KCNQ2: variants seen among roughly 807,000 people sequenced by gnomAD.
KCNQ2 encodes the protein potassium voltage-gated channel subfamily Q member 2, also known as potassium voltage-gated channel subfamily KQT member 2.
KCNQ2 carries 14 observed loss-of-function variants against 84.8 expected under a neutral mutation model. That is an observed-to-expected ratio of 0.17 (90% CI 0.11 to 0.26). The LOEUF (loss-of-function observed/expected upper bound fraction) is 0.26. KCNQ2 is among the 10% of genes least tolerant of loss of function. The pLI is 1.00. For synonymous variants in KCNQ2, 599 were observed against 554.1 expected (o/e 1.08, Z -1.14); for missense variants, 788 against 1,254.0 (o/e 0.63, Z 5.61).
At chr20:63,465,998 C>G (rs1428125415) in intron 1 of KCNQ2, among the ~76,000 whole-genome samples, 1 of 152,194 alleles carries the variant, frequency 6.6e-6, no homozygotes, top group Non-Finnish European at 1.5e-5. Context: ...AAACTAGAAG[C>G]TTGCACTGCA....
rs188832275 is a variant in KCNQ2, at chr20:63,469,445, C to T, written c.296+2723G>A. Among the ~76,000 whole-genome samples, 103 of 152,364 alleles carry T rather than the reference C, an allele frequency of 6.8e-4. 1 individual carries two copies. Among genetic ancestry groups the T allele is most frequent in the Non-Finnish European group, 1.2e-3 (79 of 68,032 alleles). On this transcript the variant is annotated intron_variant, in intron 1 of 16. Coordinates refer to ENST00000359125, the MANE Select transcript of KCNQ2 (RefSeq NM_172107.4). Reference sequence around the variant, plus strand: ...AGTCCCTCTCTAACTCAGTGCTGGACGTCCCCACCTCCCCAGAGCGGGGGC... The same window carrying T: ...AGTCCCTCTCTAACTCAGTGCTGGATGTCCCCACCTCCCCAGAGCGGGGGC...
chr20:63,430,490 G>T lies in KCNQ2; in HGVS notation c.1148+850C>A, dbSNP rs993880931. ...CTCCAGGACGGGTGACTGGCCCCTG[G>T]AGGAGTCATCAAGGGCTTCTGTGCA... On this transcript the variant is annotated intron_variant, in intron 9 of 16. Transcript: ENST00000359125. Among the ~76,000 whole-genome samples, 7 of 152,316 alleles carry T rather than the reference G, an allele frequency of 4.6e-5. No individual in the cohort carries two copies. In the East Asian group the frequency reaches 1.3e-3, roughly 29 times the overall value.
chr20:63,442,593 A>G, intron 4 of KCNQ2, 62 bp from the exon 5 acceptor site: 1 of 1,559,010 alleles, frequency 6.4e-7, no homozygotes. Context: ...CATCACCACC[A>G]CCAACACCAC....
At chr20:63,449,545 G>A (rs1280869761) in intron 1 of KCNQ2, among the ~76,000 whole-genome samples, 1 of 152,230 alleles carries the variant, frequency 6.6e-6, no homozygotes, top group Non-Finnish European at 1.5e-5. Context: ...TGGAGGGTTT[G>A]GGGAGCAGAG....
chr20:63,413,101 A>G (rs2080171836), intron 15 of KCNQ2, among the ~76,000 whole-genome samples: 1 of 152,100 alleles, frequency 6.6e-6, no homozygotes, highest in South Asian at 2.1e-4. Context: ...TACATGGCAG[A>G]GCAGAGCCAC....
intron 14 of KCNQ2, among the ~76,000 whole-genome samples, chr20:63,413,848 T>C (rs2080201678): frequency 6.6e-6 from 1 of 152,120 alleles, no homozygotes. Flanking sequence ...CTAAGCCAGG[T>C]GGAGCCCGGC....
chr20:63,463,419 C>T (rs1037266852), intron 1 of KCNQ2, among the ~76,000 whole-genome samples: 7 of 152,132 alleles, frequency 4.6e-5, no homozygotes, highest in African/African-American at 1.4e-4. Context: ...GAAGCCCAGC[C>T]GGCCGAGTGC....
Position 63,438,552 on chromosome 20 carries a change from G to C in KCNQ2, c.1023+73C>G. ...CAGACAGGGCAATGCCAAAGCCCCA[G>C]CGGCCTCCACTCCTCAACAAGGTGG... is the stretch of plus-strand genomic sequence containing the variant. On this transcript the variant is annotated intron_variant, in intron 7 of 16. Transcript: ENST00000359125. This position sits in a 1 kb window ranked among gnomAD's most constrained non-coding sequence, Gnocchi z 5.1. The C allele has an allele frequency of 1.6e-6, 2 of 1,278,360 alleles. No homozygotes were observed. Among genetic ancestry groups the C allele is most frequent in the South Asian group, 2.4e-5 (2 of 84,628 alleles). The allele number at this position is 1,278,360 out of a possible 1,614,324, so 79.2% of individuals were successfully genotyped here.
intron 1 of KCNQ2, among the ~76,000 whole-genome samples, chr20:63,450,574 T>G: frequency 5.8e-5 from 2 of 34,342 alleles, no homozygotes; most frequent in South Asian, 9.0e-4. Context: ...GAAGACCTGC[T>G]GGGGGTGGGG....
chr20:63,442,664 ACCAC>A, intron 4 of KCNQ2, 133 bp from the exon 5 acceptor site: 1 of 289,536 alleles, frequency 3.5e-6, no homozygotes, highest in African/African-American at 8.7e-5. Context: ...CACCACCATC[ACCAC>A]CACCACCACC....
chr20:63,419,700 C>T lies in KCNQ2; in HGVS notation c.1248-28G>A, dbSNP rs537923875. ...GGAAATGAGGAGAGCACAGTTAGTC[C>T]TGGGCGCCGGCAACAGCACACGGCC... On this transcript the variant is annotated intron_variant, in intron 11 of 16. Transcript: ENST00000359125. The T allele has an allele frequency of 5.6e-6, 9 of 1,599,102 alleles. 1 individual carries two copies. In the African/African-American group the frequency reaches 1.1e-4, roughly 19 times the overall value.
At chr20:63,436,643 G>A (rs939994028) in intron 7 of KCNQ2, among the ~76,000 whole-genome samples, 3 of 152,216 alleles carry the variant, frequency 2.0e-5, no homozygotes, top group Admixed American at 6.5e-5. Context: ...GCAACTCGCA[G>A]AAGGCTCAGG....
chr20:63,445,563 C>G, intron 2 of KCNQ2, 199 bp from the exon 3 acceptor site: 1 of 365,464 alleles, frequency 2.7e-6, no homozygotes, highest in South Asian at 3.4e-5. Context: ...ACCCTGCATC[C>G]GGGAACACAG....
Position 63,422,094 on chromosome 20 carries a change from G to A in KCNQ2, c.1247+2083C>T, listed in dbSNP as rs187807850. On this transcript the variant is annotated intron_variant, in intron 11 of 16. Transcript: ENST00000359125. ...AGCGGGGTCCTGCCATGCGGGGTGC[G>A]GGCTCCACCTCCAAAGGGCAGGCGG... 1.3e-3 allele frequency among the ~76,000 whole-genome samples: 199 copies of A among 152,246 alleles called. 1 individual carries two copies. Among genetic ancestry groups the A allele is most frequent in the African/African-American group, 3.6e-3 (150 of 41,534 alleles).
At chr20:63,419,014 C>T (rs1167133192) in intron 12 of KCNQ2, among the ~76,000 whole-genome samples, 1 of 152,212 alleles carries the variant, frequency 6.6e-6, no homozygotes, top group African/African-American at 2.4e-5. Context: ...CACCCAACAG[C>T]AGACAGGGGA....
In KCNQ2 at chr20:63,433,872, G is replaced by C. The variant is rs1307396168; in HGVS notation, c.1055C>G (p.Ser352Trp). 1 of 1,613,860 alleles carries C rather than the reference G, an allele frequency of 6.2e-7. No homozygotes were observed. Among genetic ancestry groups the C allele is most frequent in the Non-Finnish European group, 8.5e-7 (1 of 1,179,904 alleles). Residue 352 changes from serine (S) to tryptophan (W), a missense_variant, in exon 8 of 17, where the codon TCG becomes TGG. Around this residue, in one of 8 missense-constraint regions of KCNQ2, gnomAD observed 16 missense variants for 38.7 expected, o/e 0.41. Coordinates refer to ENST00000359125, the MANE Select transcript of KCNQ2 (RefSeq NM_172107.4). ...SAWRFYATNL[S>W]RTDLHSTWQY... ...CCACGTGGAGTGCAGGTCTGTGCGC[G>C]AGAGGTTGGTGGCGTAGAATCTCCA...
chr20:63,469,377 C>T (rs1391466228), intron 1 of KCNQ2, among the ~76,000 whole-genome samples: 3 of 152,204 alleles, frequency 2.0e-5, no homozygotes, highest in African/African-American at 4.8e-5. Context: ...CCAGGCAGTG[C>T]GAGCAGAGGC....
At chr20:63,444,954 G>A (rs998670124) in intron 3 of KCNQ2, 120 bp from the exon 4 acceptor site, 29 of 1,160,080 alleles carry the variant, frequency 2.5e-5, no homozygotes, top group South Asian at 1.4e-4. Context: ...TATGCCCAGC[G>A]CCTGGTGTGG....
At chr20:63,444,557 C>A in intron 4 of KCNQ2, 102 bp downstream of exon 4, 1 of 1,018,958 alleles carries the variant, frequency 9.8e-7, no homozygotes, top group Non-Finnish European at 1.3e-6. Flanking sequence ...TCCCTCCACC[C>A]AGGGCTCTTG....
Sources: gnomAD v4.1 joint callset for allele counts (sites outside exome capture counted in the v4.1 genomes callset) on GRCh38, gnomAD v4.1.1 for gene constraint, gnomAD v4.1.1 regional missense constraint, Gnocchi (gnomAD v3.1) non-coding constraint, MANE v1.5 for transcripts, NCBI Gene and HGNC (gene_info 2026-07-23, HGNC 2026-07-21) for gene names.